Variants in DNAJC11 observed in about 807,000 individuals in gnomAD.
The protein encoded by DNAJC11 is dnaJ homolog subfamily C member 11.
Under a neutral mutation model 78.6 loss-of-function variants are expected in DNAJC11, and 15 were observed. The ratio of observed to expected loss-of-function variants is 0.19; its 90% CI spans 0.13 to 0.29. The LOEUF (loss-of-function observed/expected upper bound fraction) is 0.29, where lower values mean the gene tolerates loss of function less well. Among genes scored for constraint, DNAJC11 ranks in the 10% least tolerant of loss-of-function variants. The pLI is 1.00. For synonymous variants in DNAJC11, 292 were observed against 272.1 expected (o/e 1.07, Z -0.72); for missense variants, 547 against 709.6 (o/e 0.77, Z 2.60).
chr1:6,669,767 A>G (rs1642349561), intron 3 of DNAJC11, among the ~76,000 whole-genome samples: 2 of 152,024 alleles, frequency 1.3e-5, no homozygotes, highest in Non-Finnish European at 2.9e-5. Flanking sequence ...GGACAGAAAC[A>G]GTGGTTACTC....
rs768788746 is a variant in DNAJC11, at chr1:6,637,514, A to T, written c.1324-10T>A. The T allele has an allele frequency of 6.2e-7, 1 of 1,614,044 alleles. No homozygotes were observed. On this transcript the variant is annotated splice_polypyrimidine_tract_variant and intron_variant, in intron 12 of 15. Coordinates refer to ENST00000377577, the MANE Select transcript of DNAJC11 (RefSeq NM_018198.4). ...CCTGCATCAGCCGGACCTGCCAGAG[A>T]ACAAGGATGACACAGTCAGGGCCCT...
intron 7 of DNAJC11, chr1:6,651,036 C>T (rs746198298): frequency 9.4e-6 from 5 of 533,274 alleles, no homozygotes; most frequent in Non-Finnish European, 1.9e-5. Context: ...AATGAAGACA[C>T]TGCTGTCGTT....
At position 6,637,332 on chromosome 1, in the gene DNAJC11, T is replaced by C. The variant is rs1372285197; in HGVS notation, c.1390A>G (p.Ile464Val). 1.2e-6 allele frequency: 2 copies of C among 1,614,104 alleles called. No homozygotes were observed. Among genetic ancestry groups the C allele is most frequent in the East Asian group, 2.2e-5 (1 of 44,898 alleles). The change falls in exon 14 of 16, where the codon ATC (isoleucine) becomes GTC (valine). Residue 464 changes from isoleucine to valine, a missense_variant. Coordinates refer to ENST00000377577, the MANE Select transcript of DNAJC11 (RefSeq NM_018198.4). ...AACTTCCCGTACCAGGCATTGACGA[T>C]GATGAGGCCTAAGGACAGACTCCGA... ...EAEESRMGLIIVNAWYGKFVN... is the reference protein window; with the variant it reads ...EAEESRMGLIVVNAWYGKFVN...
rs201329161 is a variant in DNAJC11 at position 6,665,850 on chromosome 1, CCCCACCTCCCCCAT to C, written c.378+1845_378+1858del. Among the ~76,000 whole-genome samples, 1,329 of 152,236 alleles carry C rather than the reference CCCCACCTCCCCCAT, an allele frequency of 8.7e-3. 19 individuals carry two copies. The highest frequency in any genetic ancestry group is 0.03 in the African/African-American group (1,228 of 41,540). Reference sequence around the variant, plus strand: ...GGAACAGCCTGCTCTTGCCAGGCACCCCCACCTCCCCCATCCCACCTCCATCTGCCAATACCGAC... The same window carrying C: ...GGAACAGCCTGCTCTTGCCAGGCACCCCCACCTCCATCTGCCAATACCGAC... On this transcript the variant is annotated intron_variant, in intron 4 of 15. Transcript: ENST00000377577.
rs1641940843 is a variant in DNAJC11 at position 6,644,736 on chromosome 1, C to T, written c.981-62G>A. The T allele has an allele frequency of 2.1e-5, 30 of 1,438,180 alleles. No individual in the cohort carries two copies. In the South Asian group the frequency reaches 3.3e-4, roughly 16 times the overall value. The allele number at this position is 1,438,180 out of a possible 1,614,324, so 89.1% of individuals were successfully genotyped here. On this transcript the variant is annotated intron_variant, in intron 9 of 15. Coordinates refer to ENST00000377577, the MANE Select transcript of DNAJC11 (RefSeq NM_018198.4). Reference sequence around the variant, plus strand: ...CATTCATCACTTCAGGGGCAGCTGTCATTTGAGAAGAGGCCAGGTACCTTC... The same window carrying T: ...CATTCATCACTTCAGGGGCAGCTGTTATTTGAGAAGAGGCCAGGTACCTTC...
At chr1:6,681,345 G>A (rs1246671626) in intron 1 of DNAJC11, among the ~76,000 whole-genome samples, 1 of 152,194 alleles carries the variant, frequency 6.6e-6, no homozygotes, top group Non-Finnish European at 1.5e-5. Context: ...ACAGAGACGT[G>A]CTAACTCTTT....
chr1:6,648,008 T>C (rs1299529336), intron 7 of DNAJC11, among the ~76,000 whole-genome samples: 1 of 152,136 alleles, frequency 6.6e-6, no homozygotes, highest in East Asian at 1.9e-4. Flanking sequence ...GACCACTCAA[T>C]GAATAGACAC....
At chr1:6,655,677 A>G (rs1445245293) in intron 4 of DNAJC11, among the ~76,000 whole-genome samples, 3 of 152,170 alleles carry the variant, frequency 2.0e-5, no homozygotes, top group Non-Finnish European at 2.9e-5. Flanking sequence ...TACAAAAATT[A>G]GCCAGGTACA....
Position 6,637,523 on chromosome 1 carries a change from G to T in DNAJC11, c.1324-19C>A. The T allele has an allele frequency of 6.2e-7, 1 of 1,614,110 alleles. No homozygotes were observed. The highest frequency in any genetic ancestry group is 1.1e-5 in the South Asian group (1 of 91,064). ...GCCGGACCTGCCAGAGAACAAGGAT[G>T]ACACAGTCAGGGCCCTGCCAGGCCT... On this transcript the variant is annotated intron_variant, in intron 12 of 15. Transcript: ENST00000377577.
rs753549668 is a variant in DNAJC11 at position 6,637,431 on chromosome 1, G to A, written c.1381+16C>T. ...CCAGCGCCCACCCTGGACCAAGAGA[G>A]GACACATGTTCTCACCCATTCTGGA... On this transcript the variant is annotated intron_variant, in intron 13 of 15. Coordinates refer to ENST00000377577, the MANE Select transcript of DNAJC11 (RefSeq NM_018198.4). 3 of 1,614,080 alleles carry A rather than the reference G, an allele frequency of 1.9e-6. No individual in the cohort carries two copies. Among genetic ancestry groups the A allele is most frequent in the East Asian group, 4.5e-5 (2 of 44,904 alleles).
chr1:6,644,681 G>C lies in DNAJC11; in HGVS notation c.981-7C>G. ...CGTCCCAAAGAAGCCTGCTCTGCAG[G>C]GAGAGAACGCGGTCTGTGCCTGTGC... is the stretch of plus-strand genomic sequence containing the variant. On this transcript the variant is annotated splice_region_variant and splice_polypyrimidine_tract_variant and intron_variant, in intron 9 of 15. Transcript: ENST00000377577. The C allele has an allele frequency of 6.2e-7, 1 of 1,612,196 alleles. No homozygotes were observed. Among genetic ancestry groups the C allele is most frequent in the Non-Finnish European group, 8.5e-7 (1 of 1,178,262 alleles).
chr1:6,674,091 A>C (rs1642423250), intron 3 of DNAJC11, among the ~76,000 whole-genome samples: 1 of 152,256 alleles, frequency 6.6e-6, no homozygotes, highest in African/African-American at 2.4e-5. Context: ...GTTCAAGGTT[A>C]GATTTTTGCC....
intron 3 of DNAJC11, among the ~76,000 whole-genome samples, chr1:6,675,117 A>G (rs762867261): frequency 2.6e-5 from 4 of 152,228 alleles, no homozygotes; most frequent in Non-Finnish European, 5.9e-5. Flanking sequence ...TGCCAGCTTC[A>G]TAGAATGTGC....
At chr1:6,652,740 G>C in intron 6 of DNAJC11, 89 bp downstream of exon 6, 1 of 1,564,568 alleles carries the variant, frequency 6.4e-7, no homozygotes, top group South Asian at 1.2e-5. Context: ...GGGCCCCCAG[G>C]GTGAGTTTGA....
intron 7 of DNAJC11, among the ~76,000 whole-genome samples, chr1:6,646,346 C>T (rs2148730671): frequency 6.6e-6 from 1 of 152,340 alleles, no homozygotes; most frequent in East Asian, 1.9e-4. Flanking sequence ...CAGTCCAAGA[C>T]AGTGGTGCTC....
chr1:6,637,749 A>AC (rs768043248), intron 12 of DNAJC11: 1 of 579,426 alleles, frequency 1.7e-6, no homozygotes, highest in Non-Finnish European at 3.1e-6. Context: ...TCCGGTGGCC[A>AC]CCGGTGGGAG....
intron 3 of DNAJC11, among the ~76,000 whole-genome samples, chr1:6,669,467 C>T (rs1019030121): frequency 1.3e-5 from 2 of 150,948 alleles, no homozygotes; most frequent in Non-Finnish European, 2.9e-5. Flanking sequence ...GCCAAGATCA[C>T]GCCATTGCAC....
intron 6 of DNAJC11, among the ~76,000 whole-genome samples, chr1:6,651,907 GCTCCCCCTACCC>G (rs1642059386): frequency 6.6e-6 from 1 of 152,168 alleles, no homozygotes; most frequent in African/African-American, 2.4e-5. Flanking sequence ...AGACCAGCTG[GCTCCCCCTACCC>G]CTCCCGGCGC....
intron 10 of DNAJC11, among the ~76,000 whole-genome samples, chr1:6,643,277 A>T (rs915559949): frequency 1.7e-4 from 23 of 138,228 alleles, no homozygotes; most frequent in African/African-American, 5.1e-4. Flanking sequence ...GAAAACAGAC[A>T]TTTTTTTTTT....
Sources: allele counts gnomAD v4.1 joint callset (sites outside exome capture counted in the v4.1 genomes callset), GRCh38; gene constraint gnomAD v4.1.1; transcripts MANE v1.5; gene names NCBI Gene and HGNC (gene_info 2026-07-23, HGNC 2026-07-21).